Variants in RAI14 observed in about 807,000 individuals in gnomAD.
RAI14 encodes retinoic acid induced 14, also known as ankycorbin.
A neutral mutation model predicts 115.4 loss-of-function variants in RAI14; 45 were observed. That is an observed-to-expected ratio of 0.39 (90% CI 0.31 to 0.50). RAI14 has a LOEUF of 0.50. Ranked by LOEUF, RAI14 falls within the 20% of genes least tolerant of loss-of-function variation. The pLI is 0.85. For missense variants in RAI14, 939 were observed against 1,131.2 expected, an observed-to-expected ratio of 0.83 and a Z score of 2.44; for synonymous variants, 371 against 415.4, an observed-to-expected ratio of 0.89 and a Z score of 1.30.
chr5:34,679,587 G>T (rs1244686728), intron 1 of RAI14, among the ~76,000 whole-genome samples: 1 of 152,136 alleles, frequency 6.6e-6, no homozygotes, highest in African/African-American at 2.4e-5. Flanking sequence ...TTGCCTCCAG[G>T]GTACTAGCTG....
At chr5:34,716,019 A>G (rs1867715) in intron 2 of RAI14, 90,074 of 434,654 alleles carry the variant, frequency 0.21, 10,938 homozygotes, top group Middle Eastern at 0.3. Flanking sequence ...GTTACAGTAC[A>G]GTGCAAGAAA....
At chr5:34,781,130 C>A (rs983054473) in intron 3 of RAI14, among the ~76,000 whole-genome samples, 5 of 149,986 alleles carry the variant, frequency 3.3e-5, no homozygotes, top group South Asian at 2.1e-4. Flanking sequence ...ACAAAAAAAA[C>A]CAAGCACCGC....
chr5:34,683,255 T>C (rs143668794), intron 1 of RAI14, among the ~76,000 whole-genome samples: 177 of 152,296 alleles, frequency 1.2e-3, no homozygotes, highest in African/African-American at 4.1e-3. Context: ...TTGACACTTA[T>C]CTTTATCATT....
chr5:34,728,487 G>A (rs111986125), intron 2 of RAI14: 11 of 152,204 alleles, frequency 7.2e-5, no homozygotes, highest in African/African-American at 2.4e-4. Flanking sequence ...ATCACGGGGC[G>A]GTTTTTCCTG....
intron 3 of RAI14, among the ~76,000 whole-genome samples, chr5:34,790,780 A>G (rs983256944): frequency 2.0e-5 from 3 of 148,898 alleles, no homozygotes; most frequent in Non-Finnish European, 3.0e-5. Flanking sequence ...ATATATATAT[A>G]TATAGTATAT....
In RAI14 at chr5:34,822,966, C is replaced by T. The variant is rs901531889; in HGVS notation, c.1124C>T (p.Pro375Leu). Residue 375 changes from proline to leucine, a missense_variant, in exon 15 of 18, where the codon CCC (proline) becomes CTC (leucine). By Grantham distance (98) the Pro-to-Leu change is moderately conservative. Transcript: ENST00000265109. ...ELQDKLQAKS[P>L]KEAEADLSFD... ...GCTTTTTTTTCCTAGGCCAAATCAC[C>T]CAAGGAGGCGGAAGCAGACCTAAGC... 6.2e-7 allele frequency: 1 copy of T among 1,610,562 alleles called. No homozygotes were observed. The highest frequency in any genetic ancestry group is 1.3e-5 in the African/African-American group (1 of 74,614).
intron 12 of RAI14, among the ~76,000 whole-genome samples, chr5:34,817,099 A>AACC (rs1474264047): frequency 2.6e-5 from 4 of 151,994 alleles, no homozygotes; most frequent in African/African-American, 9.7e-5. Context: ...AACACAGTGA[A>AACC]ACCCCGTCTC....
intron 2 of RAI14, among the ~76,000 whole-genome samples, chr5:34,696,548 C>A (rs867411790): frequency 6.6e-6 from 1 of 152,246 alleles, no homozygotes; most frequent in African/African-American, 2.4e-5. Flanking sequence ...AAAACATATT[C>A]TCTTGCTGGC....
chr5:34,826,581 C>T (rs752504255), intron 16 of RAI14, 102 bp downstream of exon 16: 86 of 1,412,096 alleles, frequency 6.1e-5, no homozygotes, highest in Non-Finnish European at 7.9e-5. Flanking sequence ...AAAAGATTCC[C>T]AGCCCAAAGG....
intron 3 of RAI14, among the ~76,000 whole-genome samples, chr5:34,760,050 C>T (rs1395617763): frequency 1.3e-5 from 2 of 152,042 alleles, no homozygotes; most frequent in African/African-American, 4.8e-5. Context: ...GTCACCAGGC[C>T]GGAGTGCAGT....
intron 2 of RAI14, among the ~76,000 whole-genome samples, chr5:34,697,245 T>C (rs1739367453): frequency 6.6e-6 from 1 of 152,090 alleles, no homozygotes; most frequent in African/African-American, 2.4e-5. Flanking sequence ...GAGACCAGCC[T>C]GACCAACATG....
rs999415320 is a variant in RAI14 at position 34,710,984 on chromosome 5, G to T, written c.36+24029G>T. On this transcript the variant is annotated intron_variant, in intron 2 of 17. Coordinates refer to ENST00000265109, the MANE Select transcript of RAI14 (RefSeq NM_015577.3). ...CTTTGAACTACGTTTGACTGACTAG[G>T]TTTGACCTGGTCAAAGAGAAGTGAT... is the stretch of plus-strand genomic sequence containing the variant. Among the ~76,000 whole-genome samples the T allele has an allele frequency of 2.9e-4, 44 of 152,134 alleles. 1 individual carries two copies. Among genetic ancestry groups the T allele is most frequent in the African/African-American group, 9.4e-4 (39 of 41,410 alleles).
intron 2 of RAI14, among the ~76,000 whole-genome samples, chr5:34,729,711 G>C (rs1297009141): frequency 2.6e-5 from 4 of 152,108 alleles, no homozygotes; most frequent in South Asian, 2.1e-4. Context: ...AATCCACCTG[G>C]CTTCTTCAAC....
At chr5:34,765,056 G>C (rs549880597) in intron 3 of RAI14, among the ~76,000 whole-genome samples, 1 of 152,192 alleles carries the variant, frequency 6.6e-6, no homozygotes, top group Admixed American at 6.5e-5. Context: ...TTTTTCTCTT[G>C]CCGTTGCTAT....
chr5:34,825,406 A>G lies in RAI14; in HGVS notation c.2649+915A>G, dbSNP rs564661690. On this transcript the variant is annotated intron_variant, in intron 15 of 17. Coordinates refer to ENST00000265109, the MANE Select transcript of RAI14 (RefSeq NM_015577.3). Reference sequence around the variant, plus strand: ...ATTGGGGATCAGAAGTGAACCTGCAAACTGGAAAGTATTTGTGATCCACCT... The same window carrying G: ...ATTGGGGATCAGAAGTGAACCTGCAGACTGGAAAGTATTTGTGATCCACCT... Among the ~76,000 whole-genome samples, 49 of 152,324 alleles carry G rather than the reference A, an allele frequency of 3.2e-4. No homozygotes were observed. In the South Asian group the frequency reaches 9.3e-3, roughly 29 times the overall value.
intron 2 of RAI14, among the ~76,000 whole-genome samples, chr5:34,714,045 G>T (rs113320278): frequency 0.02 from 3,027 of 151,216 alleles, 52 homozygotes; most frequent in Middle Eastern, 0.071. Flanking sequence ...CTCATGATCT[G>T]CCCGCCTCGG....
intron 2 of RAI14, among the ~76,000 whole-genome samples, chr5:34,697,568 G>A (rs1739422112): frequency 6.6e-6 from 1 of 152,102 alleles, no homozygotes; most frequent in Non-Finnish European, 1.5e-5. Context: ...CTGATAAGGT[G>A]TGGGATGAAC....
At chr5:34,797,923 C>T (rs1753729899) in intron 4 of RAI14, among the ~76,000 whole-genome samples, 1 of 152,134 alleles carries the variant, frequency 6.6e-6, no homozygotes, top group Non-Finnish European at 1.5e-5. Context: ...TTTCATTGTA[C>T]TTGATATTAA....
At chr5:34,712,249 C>T (rs139369123) in intron 2 of RAI14, among the ~76,000 whole-genome samples, 550 of 152,282 alleles carry the variant, frequency 3.6e-3, no homozygotes, top group Middle Eastern at 0.014. Context: ...AATCAAATCA[C>T]CTAAATTCTG....
Sources: allele counts gnomAD v4.1 joint callset (sites outside exome capture counted in the v4.1 genomes callset), GRCh38; gene constraint gnomAD v4.1.1; transcripts MANE v1.5; gene names NCBI Gene and HGNC (gene_info 2026-07-23, HGNC 2026-07-21).